The following BMP1 variants were observed in gnomAD, a reference collection of about 807,000 sequenced individuals.
BMP1 encodes mammalian tolloid protein.
BMP1 carries 63 observed loss-of-function variants against 116.8 expected under a neutral mutation model. The observed-to-expected ratio is 0.54, with a 90% CI of 0.44 to 0.67. The LOEUF (loss-of-function observed/expected upper bound fraction) is 0.67, where lower values mean the gene tolerates loss of function less well. Among genes scored for constraint, BMP1 ranks in the 30% least tolerant of loss-of-function variants. The pLI is 0.00. For synonymous variants in BMP1, 536 were observed against 533.4 expected, an observed-to-expected ratio of 1.00 and a Z score of -0.07; for missense variants, 1,183 against 1,358.9, an observed-to-expected ratio of 0.87 and a Z score of 2.04.
chr8:22,198,862 C>A, intron 15 of BMP1: 1 of 998,144 alleles, frequency 1.0e-6, no homozygotes, highest in South Asian at 2.0e-5. Context: ...GAGACCCTCC[C>A]CATGCCAGGC....
In BMP1 at chr8:22,179,826, C is replaced by G. The variant is rs1476347042; in HGVS notation, c.958C>G (p.Pro320Ala). 3.7e-6 allele frequency: 6 copies of G among 1,613,290 alleles called. No homozygotes were observed. Among genetic ancestry groups the G allele is most frequent in the African/African-American group, 1.3e-5 (1 of 74,910 alleles). The change falls in exon 7 of 20, where the codon CCA becomes GCA. Residue 320 changes from proline to alanine, a missense_variant. Transcript: ENST00000306385. The surrounding 1 kb of genome is among the most constrained non-coding windows in gnomAD (Gnocchi z 4.6). ...IAQARKLYKCPACGETLQDST... is the reference protein window; with the variant it reads ...IAQARKLYKCAACGETLQDST... ...CCAAGCCCGCAAGCTTTACAAGTGC[C>G]CAGGTCAGGGCAGAGAAGGGATGGG...
At chr8:22,183,803 C>T (rs543281090) in intron 8 of BMP1, among the ~76,000 whole-genome samples, 1 of 151,986 alleles carries the variant, frequency 6.6e-6, no homozygotes, top group Non-Finnish European at 1.5e-5. Flanking sequence ...CTCGAACTCC[C>T]GACCTGAGGT....
At chr8:22,176,671 G>A (rs201958197) in intron 4 of BMP1, 21 bp downstream of exon 4, 4 of 1,611,354 alleles carry the variant, frequency 2.5e-6, no homozygotes, top group East Asian at 2.2e-5. Flanking sequence ...AGCCCTAGGC[G>A]CTGTACCTTC....
chr8:22,208,601 G>T (rs985809829), intron 18 of BMP1, among the ~76,000 whole-genome samples: 1 of 152,238 alleles, frequency 6.6e-6, no homozygotes. Flanking sequence ...GTGACAGCAG[G>T]TCATTTACTT....
intron 17 of BMP1, 65 bp from the exon 18 acceptor site, chr8:22,207,238 C>G: frequency 6.5e-7 from 1 of 1,537,626 alleles, no homozygotes; most frequent in Non-Finnish European, 8.9e-7. Flanking sequence ...GTTTGGGGCC[C>G]TCATCCTTGC....
At chr8:22,192,734 C>A (rs959752278) in intron 9 of BMP1, among the ~76,000 whole-genome samples, 4 of 152,096 alleles carry the variant, frequency 2.6e-5, no homozygotes, top group African/African-American at 7.2e-5. Flanking sequence ...GGGTCAGAAG[C>A]ACAGAACAGA....
In BMP1 at chr8:22,165,481, G is replaced by A. The variant is rs778082841; in HGVS notation, c.76G>A (p.Ala26Thr). 4 of 1,589,580 alleles carry A rather than the reference G, an allele frequency of 2.5e-6. No homozygotes were observed. Among genetic ancestry groups the A allele is most frequent in the Non-Finnish European group, 2.6e-6 (3 of 1,170,668 alleles). The change falls in exon 1 of 20, where the codon GCC (alanine) becomes ACC (threonine). Residue 26 changes from alanine to threonine, a missense_variant. This residue lies in a region of BMP1 where 185 missense variants were observed against 158.9 expected (regional missense o/e 1.16). Transcript: ENST00000306385. Reference sequence around the variant, plus strand: ...GCGTCCCGGCCGGCCGCTGGACTTGGCCGACTACACCTATGACCTGGCGGA... The same window carrying A: ...GCGTCCCGGCCGGCCGCTGGACTTGACCGACTACACCTATGACCTGGCGGA... Reference protein sequence around the residue: ...LPRPGRPLDLADYTYDLAEED... With the variant: ...LPRPGRPLDLTDYTYDLAEED...
At position 22,207,380 on chromosome 8, in the gene BMP1, C is replaced by T; in HGVS notation, c.2439C>T (p.Ala813=). Reference sequence around the variant, plus strand: ...TAGAGGTGTTCGACGGGCGAGACGCCAAGGCCCCCGTCCTCGGCCGCTTCT... The same window carrying T: ...TAGAGGTGTTCGACGGGCGAGACGCTAAGGCCCCCGTCCTCGGCCGCTTCT... ...DHLEVFDGRD[A]KAPVLGRFCG... is the part of the protein sequence containing the mutation. The change falls in exon 18 of 20, where the codon GCC becomes GCT. Residue 813 remains alanine (A), a synonymous_variant. Transcript: ENST00000306385. The T allele has an allele frequency of 6.2e-7, 1 of 1,614,226 alleles. No homozygotes were observed. The highest frequency in any genetic ancestry group is 8.5e-7 in the Non-Finnish European group (1 of 1,180,026).
At chr8:22,165,881 G>GGGTGTGTGTGTGTGT (rs1491387628) in intron 1 of BMP1, among the ~76,000 whole-genome samples, 4 of 137,444 alleles carry the variant, frequency 2.9e-5, no homozygotes, top group African/African-American at 1.1e-4. Context: ...TCCTGTGCGT[G>GGGTGTGTGTGTGTGT]CGTGTGTGTG....
chr8:22,194,947 C>T lies in BMP1; in HGVS notation c.1639+28C>T, dbSNP rs764482651. 5.1e-6 allele frequency: 8 copies of T among 1,577,950 alleles called. No individual in the cohort carries two copies. The highest frequency in any genetic ancestry group is 3.9e-4 in the Middle Eastern group (2 of 5,120). The stretch of plus-strand genomic sequence containing the variant: ...GCCTCCTCTGTTACTCTCCCCTGCC[C>T]CAAGGTGCCTCGTGACCTTCATCCC... On this transcript the variant is annotated intron_variant, in intron 12 of 19. Coordinates refer to ENST00000306385, the MANE Select transcript of BMP1 (RefSeq NM_006129.5). This position sits in a 1 kb window ranked among gnomAD's most constrained non-coding sequence, Gnocchi z 4.5.
intron 8 of BMP1, among the ~76,000 whole-genome samples, chr8:22,186,229 C>T (rs1828767647): frequency 1.3e-5 from 2 of 152,346 alleles, no homozygotes; most frequent in South Asian, 4.1e-4. Flanking sequence ...CTGGATCCTA[C>T]CCTAAGTTCC....
rs781297224 is a variant in BMP1 at position 22,194,960 on chromosome 8, T to C, written c.1639+41T>C. The C allele has an allele frequency of 8.4e-6, 13 of 1,550,556 alleles. No homozygotes were observed. Among genetic ancestry groups the C allele is most frequent in the Non-Finnish European group, 1.0e-5 (12 of 1,145,032 alleles). ...CTCTCCCCTGCCCCAAGGTGCCTCGTGACCTTCATCCCTTCTTCACTCACT... is the reference window on the plus strand; with the variant it reads ...CTCTCCCCTGCCCCAAGGTGCCTCGCGACCTTCATCCCTTCTTCACTCACT... On this transcript the variant is annotated intron_variant, in intron 12 of 19. Transcript: ENST00000306385. This position sits in a 1 kb window ranked among gnomAD's most constrained non-coding sequence, Gnocchi z 4.5.
intron 1 of BMP1, among the ~76,000 whole-genome samples, chr8:22,172,912 T>C (rs1828323066): frequency 6.6e-6 from 1 of 152,082 alleles, no homozygotes; most frequent in Admixed American, 6.6e-5. Flanking sequence ...CCACTGCACC[T>C]GGCTTATTTT....
At chr8:22,189,399 T>C (rs1165617390) in intron 8 of BMP1, among the ~76,000 whole-genome samples, 1 of 150,314 alleles carries the variant, frequency 6.7e-6, no homozygotes, top group Non-Finnish European at 1.5e-5. Flanking sequence ...AATTTAATTA[T>C]TCAGTTGCCC....
chr8:22,202,091 C>G (rs1293389974), intron 16 of BMP1, among the ~76,000 whole-genome samples, 163 bp downstream of exon 16: 1 of 152,242 alleles, frequency 6.6e-6, no homozygotes, highest in African/African-American at 2.4e-5. Flanking sequence ...CCTCCTCCCG[C>G]AGTGTCGGAG....
intron 18 of BMP1, among the ~76,000 whole-genome samples, chr8:22,207,759 A>G (rs1829390882): frequency 6.6e-6 from 1 of 152,220 alleles, no homozygotes; most frequent in South Asian, 2.1e-4. Context: ...GAACTCAGGG[A>G]CAGAGAGGAA....
chr8:22,201,884 G>T lies in BMP1; in HGVS notation c.2189G>T (p.Arg730Leu), dbSNP rs374344275. The change falls in exon 16 of 20, where the codon CGC becomes CTC. Residue 730 changes from arginine to leucine, a missense_variant. Arg to Leu is a moderately radical substitution (Grantham distance 102, BLOSUM62 -2). Coordinates refer to ENST00000306385, the MANE Select transcript of BMP1 (RefSeq NM_006129.5). ...NTFGSYECQC[R>L]SGFVLHDNKH... Reference sequence around the variant, plus strand: ...TTCGGCAGTTATGAGTGCCAATGCCGCAGTGGCTTCGTCCTCCATGACAAC... The same window carrying T: ...TTCGGCAGTTATGAGTGCCAATGCCTCAGTGGCTTCGTCCTCCATGACAAC... The T allele has an allele frequency of 6.8e-6, 11 of 1,613,664 alleles. No homozygotes were observed. The African/African-American group carries it at 9.3e-5, about 14-fold the overall frequency.
At chr8:22,193,511 C>A (rs541216469) in intron 9 of BMP1, among the ~76,000 whole-genome samples, 5 of 152,324 alleles carry the variant, frequency 3.3e-5, no homozygotes, top group African/African-American at 1.2e-4. Flanking sequence ...TGGCCAGGCA[C>A]GGTGGCTCAC....
At chr8:22,201,461 C>T (rs1260624278) in intron 15 of BMP1, 20 of 1,401,486 alleles carry the variant, frequency 1.4e-5, no homozygotes, top group Middle Eastern at 2.7e-4. Context: ...GGGACCCCTG[C>T]GTCCTGCTCC....
Sources: allele counts gnomAD v4.1 joint callset (sites outside exome capture counted in the v4.1 genomes callset), GRCh38; gene constraint gnomAD v4.1.1; regional missense constraint gnomAD v4.1.1; non-coding constraint Gnocchi (gnomAD v3.1); transcripts MANE v1.5; gene names NCBI Gene and HGNC (gene_info 2026-07-23, HGNC 2026-07-21).